Variants in LRFN5 observed in about 807,000 individuals in gnomAD.
The protein encoded by LRFN5 is leucine rich repeat and fibronectin type III domain containing 5, also known as leucine-rich repeat and fibronectin type-III domain-containing protein 5.
LRFN5 carries 24 observed loss-of-function variants against 45.6 expected under a neutral mutation model. That is an observed-to-expected ratio of 0.53 (90% CI 0.38 to 0.74). The LOEUF (loss-of-function observed/expected upper bound fraction) is 0.74. Among genes scored for constraint, LRFN5 ranks in the 30% least tolerant of loss-of-function variants. The probability of loss-of-function intolerance (pLI) is 0.00; values close to 1 mark genes in which losing one functional copy is unlikely to be tolerated. For missense variants in LRFN5, 776 were observed against 861.5 expected, an observed-to-expected ratio of 0.90 and a Z score of 1.24; for synonymous variants, 340 against 313.8, an observed-to-expected ratio of 1.08 and a Z score of -0.88.
intron 1 of LRFN5, among the ~76,000 whole-genome samples, chr14:41,688,125 A>C (rs1007657366): frequency 2.0e-5 from 3 of 152,204 alleles, no homozygotes; most frequent in Admixed American, 6.5e-5. Context: ...ACAGTTGAGC[A>C]CATGGAGATA....
At chr14:41,826,108 C>T (rs1888285988) in intron 2 of LRFN5, among the ~76,000 whole-genome samples, 1 of 152,130 alleles carries the variant, frequency 6.6e-6, no homozygotes, top group Admixed American at 6.5e-5. Flanking sequence ...TAGGTCTAGT[C>T]ATCAATCTTG....
intron 1 of LRFN5, among the ~76,000 whole-genome samples, chr14:41,707,050 C>T (rs1037624780): frequency 2.0e-5 from 3 of 152,110 alleles, no homozygotes; most frequent in African/African-American, 7.2e-5. Context: ...ATAAATCTTC[C>T]CTAAATGCAC....
chr14:41,833,978 G>A (rs1442511743), intron 2 of LRFN5, among the ~76,000 whole-genome samples: 1 of 152,164 alleles, frequency 6.6e-6, no homozygotes, highest in Non-Finnish European at 1.5e-5. Context: ...AGGGCATGAT[G>A]TTTTGAATGA....
At chr14:41,678,569 C>T (rs1221854153) in intron 1 of LRFN5, among the ~76,000 whole-genome samples, 3 of 152,044 alleles carry the variant, frequency 2.0e-5, no homozygotes, top group Admixed American at 6.6e-5. Context: ...GAACATGCCA[C>T]GCAACAATGA....
rs548093087 is a variant in LRFN5, at chr14:41,883,639, C to A, written c.-20-2967C>A. ...ATGTTTTTCATTATCTTCCATCTCA[C>A]TTTATTTACGATGAGAAGTCAGTGA... On this transcript the variant is annotated intron_variant, in intron 2 of 5. Transcript: ENST00000298119. Among the ~76,000 whole-genome samples the A allele has an allele frequency of 3.9e-5, 6 of 152,320 alleles. No individual in the cohort carries two copies. The East Asian group carries it at 1.2e-3, about 29-fold the overall frequency.
At chr14:41,757,979 C>T (rs1344288036) in intron 1 of LRFN5, among the ~76,000 whole-genome samples, 1 of 152,150 alleles carries the variant, frequency 6.6e-6, no homozygotes, top group Non-Finnish European at 1.5e-5. Context: ...GTGGCTCATA[C>T]TAATATGGGA....
chr14:41,855,516 G>C (rs2899930), intron 2 of LRFN5, among the ~76,000 whole-genome samples: 137,512 of 152,220 alleles, frequency 0.9, 63,186 homozygotes, highest in Middle Eastern at 0.99. Flanking sequence ...GGACACTGCT[G>C]TTTTATACAG....
At chr14:41,898,270 A>G (rs1891002581) in intron 4 of LRFN5, among the ~76,000 whole-genome samples, 1 of 152,084 alleles carries the variant, frequency 6.6e-6, no homozygotes, top group Non-Finnish European at 1.5e-5. Flanking sequence ...AAAAAAATAG[A>G]ATGTGTGCTG....
chr14:41,709,751 A>G (rs1883210086), intron 1 of LRFN5, among the ~76,000 whole-genome samples: 2 of 152,098 alleles, frequency 1.3e-5, no homozygotes, highest in East Asian at 1.9e-4. Context: ...TAGGAAATAT[A>G]AAAGATAATA....
chr14:41,761,113 A>G (rs773971008), intron 1 of LRFN5, among the ~76,000 whole-genome samples: 2 of 152,166 alleles, frequency 1.3e-5, no homozygotes, highest in Admixed American at 6.5e-5. Flanking sequence ...ACTTGGGTGC[A>G]TGTGCATACG....
intron 5 of LRFN5, among the ~76,000 whole-genome samples, chr14:41,900,320 A>G (rs988620485): frequency 1.3e-5 from 2 of 152,052 alleles, no homozygotes; most frequent in African/African-American, 4.8e-5. Context: ...AAAGATTCAC[A>G]TTTGAAATGG....
At chr14:41,869,179 T>C (rs904909185) in intron 2 of LRFN5, among the ~76,000 whole-genome samples, 52 of 152,298 alleles carry the variant, frequency 3.4e-4, no homozygotes, top group African/African-American at 1.2e-3. Flanking sequence ...ATTTCTGTTC[T>C]ACTCTGAGTG....
intron 2 of LRFN5, among the ~76,000 whole-genome samples, chr14:41,788,393 C>T (rs947368352): frequency 9.2e-5 from 14 of 151,882 alleles, no homozygotes; most frequent in Admixed American, 6.6e-4. Context: ...CCTTATTCCT[C>T]TTAAAGTTTT....
intron 1 of LRFN5, among the ~76,000 whole-genome samples, chr14:41,699,218 G>A (rs185931351): frequency 6.6e-6 from 1 of 151,972 alleles, no homozygotes; most frequent in African/African-American, 2.4e-5. Context: ...CTCTGGGGTA[G>A]GTTATGAAAT....
At chr14:41,784,256 T>C (rs1327298116) in intron 2 of LRFN5, among the ~76,000 whole-genome samples, 1 of 152,144 alleles carries the variant, frequency 6.6e-6, no homozygotes, top group East Asian at 1.9e-4. Context: ...TCTATTTTGT[T>C]ACATTTGTAT....
At chr14:41,705,475 C>T (rs1024067351) in intron 1 of LRFN5, among the ~76,000 whole-genome samples, 1 of 151,950 alleles carries the variant, frequency 6.6e-6, no homozygotes, top group African/African-American at 2.4e-5. Context: ...TGTGAAATGC[C>T]ATTAATATTT....
chr14:41,875,375 A>G (rs564705511), intron 2 of LRFN5, among the ~76,000 whole-genome samples: 2 of 152,346 alleles, frequency 1.3e-5, no homozygotes, highest in Middle Eastern at 6.8e-3. Context: ...AGCCTTTTCT[A>G]GGCTGCTTTT....
At chr14:41,700,167 G>A (rs1030924511) in intron 1 of LRFN5, 1 of 152,100 alleles carries the variant, frequency 6.6e-6, no homozygotes, top group African/African-American at 2.4e-5. Flanking sequence ...TGAGGGACTT[G>A]TGACCACTGT....
intron 4 of LRFN5, 54 bp downstream of exon 4, chr14:41,892,016 C>T (rs1158571345): frequency 6.3e-7 from 1 of 1,574,868 alleles, no homozygotes; most frequent in African/African-American, 1.4e-5. Context: ...CAAGTACTCC[C>T]TCAATGGAGA....
Sources: allele counts gnomAD v4.1 joint callset (sites outside exome capture counted in the v4.1 genomes callset), GRCh38; gene constraint gnomAD v4.1.1; transcripts MANE v1.5; gene names NCBI Gene and HGNC (gene_info 2026-07-23, HGNC 2026-07-21).